Variants in POU2F1 observed in about 807,000 individuals in gnomAD.
POU2F1 encodes POU class 2 homeobox 1.
POU2F1 carries 16 observed loss-of-function variants against 84.9 expected under a neutral mutation model. The ratio of observed to expected loss-of-function variants is 0.19; its 90% CI spans 0.13 to 0.29. The LOEUF is 0.29. POU2F1 is among the 10% of genes least tolerant of loss of function. POU2F1 has a pLI of 1.00. For synonymous variants in POU2F1, 368 were observed against 368.3 expected (o/e 1.00, Z 0.01); for missense variants, 738 against 942.6 (o/e 0.78, Z 2.84).
At chr1:167,275,284 C>T (rs944643812) in intron 1 of POU2F1, among the ~76,000 whole-genome samples, 1 of 151,966 alleles carries the variant, frequency 6.6e-6, no homozygotes, top group African/African-American at 2.4e-5. Flanking sequence ...CCTTGCCCTC[C>T]CAAAGTGTTG....
intron 2 of POU2F1, among the ~76,000 whole-genome samples, chr1:167,341,497 GA>G (rs931608514): frequency 4.6e-5 from 7 of 152,228 alleles, no homozygotes; most frequent in African/African-American, 1.7e-4. Flanking sequence ...ATTGAAAGGG[GA>G]GAGTTCCCTG....
intron 1 of POU2F1, among the ~76,000 whole-genome samples, chr1:167,264,275 A>G (rs1409906096): frequency 1.3e-5 from 2 of 151,874 alleles, no homozygotes; most frequent in African/African-American, 2.4e-5. Flanking sequence ...TTAAGCTGAG[A>G]ACTGACATAT....
At chr1:167,256,601 G>A (rs1227036060) in intron 1 of POU2F1, among the ~76,000 whole-genome samples, 1 of 152,166 alleles carries the variant, frequency 6.6e-6, no homozygotes, top group East Asian at 1.9e-4. Flanking sequence ...GCTGAGAGTA[G>A]AATTCAGATC....
rs1660177626 is a variant in POU2F1 at position 167,374,164 on chromosome 1, A to G, written c.459A>G (p.Ala153=). The G allele has an allele frequency of 1.2e-6, 2 of 1,614,126 alleles. No homozygotes were observed. The highest frequency in any genetic ancestry group is 1.7e-6 in the Non-Finnish European group (2 of 1,180,008). The change falls in exon 6 of 16, where the codon GCA becomes GCG. Residue 153 remains alanine, a synonymous_variant. Transcript: ENST00000367866. ...QLLLQQAQAQ[A]QLLAAAVQQH... ...TACTCCAGCAGGCACAGGCACAGGC[A>G]CAGCTGCTGGCTGCTGCAGTGCAGC...
intron 1 of POU2F1, among the ~76,000 whole-genome samples, chr1:167,305,764 G>A (rs1443093639): frequency 6.6e-6 from 1 of 152,106 alleles, no homozygotes; most frequent in Non-Finnish European, 1.5e-5. Context: ...AGCTTATAAA[G>A]ATAATGTGAA....
At chr1:167,364,485 C>A (rs1207085111) in intron 2 of POU2F1, among the ~76,000 whole-genome samples, 2 of 132,074 alleles carry the variant, frequency 1.5e-5, no homozygotes, top group Non-Finnish European at 3.3e-5. Flanking sequence ...AGCCGAGATC[C>A]CGCCACTGCA....
intron 1 of POU2F1, among the ~76,000 whole-genome samples, chr1:167,257,202 T>C (rs1651202637): frequency 6.6e-6 from 1 of 152,204 alleles, no homozygotes; most frequent in South Asian, 2.1e-4. Context: ...TCTCTCACTT[T>C]AAAATCTGAC....
At chr1:167,375,522 ATACTT>A (rs369739584) in intron 6 of POU2F1, among the ~76,000 whole-genome samples, 23 of 152,348 alleles carry the variant, frequency 1.5e-4, no homozygotes, top group Non-Finnish European at 2.8e-4. Context: ...AAAAAATTGA[ATACTT>A]TAGAACATGT....
chr1:167,288,181 G>T (rs1653665468), intron 1 of POU2F1, among the ~76,000 whole-genome samples: 1 of 152,188 alleles, frequency 6.6e-6, no homozygotes, highest in Admixed American at 6.5e-5. Flanking sequence ...CAGATATATT[G>T]GTAGCCTGTG....
intron 1 of POU2F1, among the ~76,000 whole-genome samples, chr1:167,297,195 A>G (rs1216324481): frequency 6.6e-6 from 1 of 152,246 alleles, no homozygotes; most frequent in Non-Finnish European, 1.5e-5. Flanking sequence ...AGAACACTGA[A>G]ATAATCCTTA....
intron 1 of POU2F1, among the ~76,000 whole-genome samples, chr1:167,239,430 A>T (rs750313448): frequency 2.0e-5 from 3 of 152,214 alleles, no homozygotes; most frequent in Non-Finnish European, 4.4e-5. Flanking sequence ...AAAAGAACAT[A>T]TGTAAAAGTG....
chr1:167,255,554 T>C (rs1044403046), intron 1 of POU2F1, among the ~76,000 whole-genome samples: 4 of 152,160 alleles, frequency 2.6e-5, no homozygotes, highest in African/African-American at 9.7e-5. Flanking sequence ...AAGAGTAGAC[T>C]TGAACTTTAG....
chr1:167,305,467 G>A (rs928402327), intron 1 of POU2F1, among the ~76,000 whole-genome samples: 3 of 152,070 alleles, frequency 2.0e-5, no homozygotes, highest in African/African-American at 7.2e-5. Flanking sequence ...CCCAAATTGC[G>A]GGGATTACAG....
rs900916470 is a variant in POU2F1 at position 167,427,267 on chromosome 1, A to G, written c.*11457A>G. The stretch of plus-strand genomic sequence containing the variant: ...TTGTCTGCTGTAATTTTTTATATAT[A>G]TATTAAACTTACTGTAACTGTACAG... On this transcript the variant is annotated 3_prime_UTR_variant, in exon 16 of 16. Coordinates refer to ENST00000367866, the MANE Select transcript of POU2F1 (RefSeq NM_002697.4). The G allele has an allele frequency of 3.3e-5, 5 of 152,136 alleles. No individual in the cohort carries two copies. The highest frequency in any genetic ancestry group is 9.7e-5 in the African/African-American group (4 of 41,408). The allele number at this position is 152,136 out of a possible 1,614,324, so 9.4% of individuals were successfully genotyped here.
chr1:167,274,229 T>C (rs1444201517), intron 1 of POU2F1, among the ~76,000 whole-genome samples: 1 of 152,178 alleles, frequency 6.6e-6, no homozygotes, highest in Non-Finnish European at 1.5e-5. Flanking sequence ...TTATTAAAGC[T>C]CTAATCTCTA....
At chr1:167,351,782 G>C (rs544642267) in intron 2 of POU2F1, among the ~76,000 whole-genome samples, 1 of 151,972 alleles carries the variant, frequency 6.6e-6, no homozygotes, top group Non-Finnish European at 1.5e-5. Flanking sequence ...CTATTTGAGG[G>C]TTTCACCTTA....
At chr1:167,288,846 C>G (rs1053815634) in intron 1 of POU2F1, among the ~76,000 whole-genome samples, 1 of 152,154 alleles carries the variant, frequency 6.6e-6, no homozygotes, top group African/African-American at 2.4e-5. Flanking sequence ...TCAAAATGTT[C>G]TCAGATTTCA....
intron 4 of POU2F1, among the ~76,000 whole-genome samples, chr1:167,370,773 T>C (rs1659957545): frequency 6.6e-6 from 1 of 152,228 alleles, no homozygotes; most frequent in Non-Finnish European, 1.5e-5. Context: ...CCTAAAATGT[T>C]AGGCTTCTAA....
chr1:167,318,274 A>G (rs1205408277), intron 1 of POU2F1, among the ~76,000 whole-genome samples: 1 of 152,212 alleles, frequency 6.6e-6, no homozygotes, highest in Non-Finnish European at 1.5e-5. Flanking sequence ...TTGAGGTGCC[A>G]CTAGACCGCC....
Sources: allele counts gnomAD v4.1 joint callset (sites outside exome capture counted in the v4.1 genomes callset), GRCh38; gene constraint gnomAD v4.1.1; transcripts MANE v1.5; gene names NCBI Gene and HGNC (gene_info 2026-07-23, HGNC 2026-07-21).